Variants in TUSC3 observed in about 807,000 individuals in gnomAD.
The protein encoded by TUSC3 is dolichyl-diphosphooligosaccharide--protein glycosyltransferase subunit TUSC3.
Under a neutral mutation model 44.8 loss-of-function variants are expected in TUSC3, and 45 were observed. The observed-to-expected ratio is 1.00, with a 90% CI of 0.79 to 1.29. The LOEUF (loss-of-function observed/expected upper bound fraction) is 1.29, where lower values mean the gene tolerates loss of function less well. TUSC3 is among the 50% of genes most tolerant of loss of function. TUSC3 has a pLI of 0.00. For missense variants in TUSC3, 519 were observed against 437.9 expected (o/e 1.19, Z -1.65); for synonymous variants, 212 against 152.9 (o/e 1.39, Z -2.85).
chr8:15,845,430 T>C, the TUSC3 span, among the ~76,000 whole-genome samples: 2 of 152,196 alleles, frequency 1.3e-5, no homozygotes, highest in Non-Finnish European at 2.9e-5. Context: ...TGCATGTTTT[T>C]CAGGGAGAGA....
At chr8:15,798,364 A>C in the TUSC3 span, among the ~76,000 whole-genome samples, 2 of 152,180 alleles carry the variant, frequency 1.3e-5, no homozygotes, top group African/African-American at 4.8e-5. Context: ...AAGCCATAAA[A>C]GTTTGAATCC....
intron 1 of TUSC3, among the ~76,000 whole-genome samples, chr8:15,540,777 C>T (rs1801660717): frequency 6.6e-6 from 1 of 152,172 alleles, no homozygotes; most frequent in South Asian, 2.1e-4. Context: ...GACGGCAAAG[C>T]GTGTTCTTGA....
chr8:15,545,535 A>C (rs866592192), intron 1 of TUSC3, among the ~76,000 whole-genome samples: 1 of 151,798 alleles, frequency 6.6e-6, no homozygotes, highest in South Asian at 2.1e-4. Context: ...GTCCAGAACA[A>C]GTCAGTCAGT....
the TUSC3 span, among the ~76,000 whole-genome samples, chr8:15,824,455 C>A: frequency 1.5e-5 from 2 of 133,356 alleles, no homozygotes; most frequent in Non-Finnish European, 3.4e-5. Flanking sequence ...CATGTCCCCA[C>A]AAAGGACATG....
At chr8:15,613,454 T>G (rs912006423) in intron 1 of TUSC3, among the ~76,000 whole-genome samples, 6 of 152,172 alleles carry the variant, frequency 3.9e-5, no homozygotes, top group Non-Finnish European at 8.8e-5. Flanking sequence ...GAGTTTTCCA[T>G]GCATTGGCCC....
At chr8:15,721,658 A>G (rs188952993) in intron 6 of TUSC3, among the ~76,000 whole-genome samples, 5 of 152,258 alleles carry the variant, frequency 3.3e-5, no homozygotes, top group Admixed American at 2.0e-4. Context: ...AGAAAATTCT[A>G]TGAAAGTAAT....
intron 1 of TUSC3, among the ~76,000 whole-genome samples, chr8:15,444,776 T>A (rs931986335): frequency 1.4e-4 from 21 of 150,504 alleles, no homozygotes; most frequent in Non-Finnish European, 3.0e-4. Flanking sequence ...GAAAAAAAAA[T>A]AAAATGTCTT....
At chr8:15,747,110 A>C (rs1446011473) in intron 8 of TUSC3, among the ~76,000 whole-genome samples, 1 of 152,194 alleles carries the variant, frequency 6.6e-6, no homozygotes, top group Non-Finnish European at 1.5e-5. Context: ...GAGTTGCATA[A>C]AAATTGACAC....
chr8:15,690,150 C>T (rs1020229486), intron 6 of TUSC3, among the ~76,000 whole-genome samples: 1 of 152,106 alleles, frequency 6.6e-6, no homozygotes, highest in Non-Finnish European at 1.5e-5. Context: ...TATAAACTTT[C>T]TTCTCTTCCA....
At chr8:15,715,428 C>T (rs1310165971) in intron 6 of TUSC3, among the ~76,000 whole-genome samples, 4 of 152,110 alleles carry the variant, frequency 2.6e-5, no homozygotes, top group Non-Finnish European at 4.4e-5. Context: ...GATAACTGAG[C>T]AACCCACTAA....
intron 2 of TUSC3, among the ~76,000 whole-genome samples, chr8:15,522,280 T>C (rs757290843): frequency 2.0e-5 from 3 of 152,036 alleles, no homozygotes; most frequent in Non-Finnish European, 4.4e-5. Flanking sequence ...TCGCCCATGC[T>C]GGAGTGCAGT....
At chr8:15,695,062 C>A (rs77220346) in intron 6 of TUSC3, among the ~76,000 whole-genome samples, 3,427 of 152,282 alleles carry the variant, frequency 0.023, 121 homozygotes, top group African/African-American at 0.076. Context: ...ACACTGACAG[C>A]AGTGGCAGCG....
At position 15,673,777 on chromosome 8, in the gene TUSC3, A is replaced by T; in HGVS notation, c.739A>T (p.Met247Leu). Residue 247 changes from methionine to leucine, a missense_variant, in exon 6 of 11, where the codon ATG becomes TTG. Coordinates refer to ENST00000503731, the MANE Select transcript of TUSC3 (RefSeq NM_006765.4). ...CIVFAMTSGQ[M>L]WNHIRGPPYA... Reference sequence around the variant, plus strand: ...AGTCTTTGCTATGACTTCTGGCCAGATGTGGAACCATATCCGTGGACCTCC... The same window carrying T: ...AGTCTTTGCTATGACTTCTGGCCAGTTGTGGAACCATATCCGTGGACCTCC... The T allele has an allele frequency of 6.2e-7, 1 of 1,612,870 alleles. No homozygotes were observed. Among genetic ancestry groups the T allele is most frequent in the Non-Finnish European group, 8.5e-7 (1 of 1,179,160 alleles).
At chr8:15,797,883 C>G in the TUSC3 span, among the ~76,000 whole-genome samples, 1 of 152,174 alleles carries the variant, frequency 6.6e-6, no homozygotes, top group Non-Finnish European at 1.5e-5. Flanking sequence ...GTTGATGACT[C>G]CTGTGAAAAT....
the TUSC3 span, among the ~76,000 whole-genome samples, chr8:15,813,083 G>C: frequency 6.6e-6 from 1 of 151,922 alleles, no homozygotes; most frequent in South Asian, 2.1e-4. Flanking sequence ...AACAGAGTAA[G>C]ACCACGTCTC....
At chr8:15,520,610 C>T (rs1355339637) in intron 2 of TUSC3, among the ~76,000 whole-genome samples, 1 of 152,164 alleles carries the variant, frequency 6.6e-6, no homozygotes, top group Non-Finnish European at 1.5e-5. Flanking sequence ...ATTTGTATTG[C>T]ATGTACCTGG....
At chr8:15,439,330 C>G (rs997734836) in intron 1 of TUSC3, among the ~76,000 whole-genome samples, 1 of 152,140 alleles carries the variant, frequency 6.6e-6, no homozygotes, top group Non-Finnish European at 1.5e-5. Context: ...CTTTAGGAAG[C>G]TGAGGTGGGA....
chr8:15,446,981 T>A (rs1800113575), intron 1 of TUSC3, among the ~76,000 whole-genome samples: 1 of 151,310 alleles, frequency 6.6e-6, no homozygotes, highest in South Asian at 2.1e-4. Flanking sequence ...CAATGAAGAA[T>A]GGAAAAGCTT....
the TUSC3 span, among the ~76,000 whole-genome samples, chr8:15,813,982 A>G: frequency 1.3e-5 from 2 of 152,344 alleles, no homozygotes; most frequent in Non-Finnish European, 2.9e-5. Flanking sequence ...AAATGATAGC[A>G]TCTACCTCAC....
Sources: allele counts gnomAD v4.1 joint callset (sites outside exome capture counted in the v4.1 genomes callset), GRCh38; gene constraint gnomAD v4.1.1; transcripts MANE v1.5; gene names NCBI Gene and HGNC (gene_info 2026-07-23, HGNC 2026-07-21).